The following RAB3GAP2 variants were observed in gnomAD, a reference collection of about 807,000 sequenced individuals.
RAB3GAP2 encodes the protein RAB3 GTPase activating non-catalytic protein subunit 2, also known as rab3 GTPase-activating protein non-catalytic subunit.
Under a neutral mutation model 185.3 loss-of-function variants are expected in RAB3GAP2, and 87 were observed. The observed-to-expected ratio is 0.47, with a 90% confidence interval of 0.39 to 0.56. The LOEUF (loss-of-function observed/expected upper bound fraction) is 0.56. Ranked by LOEUF, RAB3GAP2 falls within the 20% of genes least tolerant of loss-of-function variation. RAB3GAP2 has a pLI of 0.00. For synonymous variants in RAB3GAP2, 554 were observed against 576.1 expected (o/e 0.96, Z 0.55); for missense variants, 1,492 against 1,638.2 (o/e 0.91, Z 1.54).
At chr1:220,267,643 G>A in intron 1 of RAB3GAP2, 1 of 1,459,156 alleles carries the variant, frequency 6.9e-7, no homozygotes, top group Non-Finnish European at 9.6e-7. Context: ...GTGTTATTCA[G>A]TGGCCTGGAG....
chr1:220,261,274 A>G (rs549826831), intron 1 of RAB3GAP2, among the ~76,000 whole-genome samples: 1 of 152,300 alleles, frequency 6.6e-6, no homozygotes, highest in South Asian at 2.1e-4. Flanking sequence ...ATTCTTCTCT[A>G]TGAGGAAGGT....
chr1:220,182,467 G>A, intron 20 of RAB3GAP2, 113 bp from the exon 21 acceptor site: 1 of 1,503,600 alleles, frequency 6.7e-7, no homozygotes, highest in Admixed American at 2.2e-5. Flanking sequence ...TGAAGGAAGA[G>A]AAATTAATTG....
chr1:220,189,519 T>A (rs1238828581), intron 17 of RAB3GAP2, among the ~76,000 whole-genome samples, 184 bp downstream of exon 17: 5 of 150,964 alleles, frequency 3.3e-5, no homozygotes, highest in African/African-American at 9.7e-5. Context: ...ATATTAATTT[T>A]TTTTTTTTTT....
At chr1:220,181,739 G>A (rs866855395) in intron 21 of RAB3GAP2, among the ~76,000 whole-genome samples, 9 of 152,034 alleles carry the variant, frequency 5.9e-5, no homozygotes, top group Admixed American at 1.3e-4. Flanking sequence ...CCAACTATAC[G>A]ATATGCTTGT....
At position 220,251,302 on chromosome 1, in the gene RAB3GAP2, T is replaced by A. The variant is rs918705319; in HGVS notation, c.116-18439A>T. On this transcript the variant is annotated intron_variant, in intron 1 of 34. Transcript: ENST00000358951. ...TTAGATTAAAATCTAGTAGAATGTTTTACAAGCTTAAGATTGGAAAGATCT... is the reference window on the plus strand; with the variant it reads ...TTAGATTAAAATCTAGTAGAATGTTATACAAGCTTAAGATTGGAAAGATCT... 3.6e-4 allele frequency among the ~76,000 whole-genome samples: 55 copies of A among 152,182 alleles called. 1 individual carries two copies. Among genetic ancestry groups the A allele is most frequent in the Admixed American group, 7.2e-4 (11 of 15,280 alleles).
intron 28 of RAB3GAP2, among the ~76,000 whole-genome samples, chr1:220,161,552 T>G (rs1258627463): frequency 2.6e-5 from 4 of 152,188 alleles, no homozygotes; most frequent in African/African-American, 9.7e-5. Flanking sequence ...AAGCTACTCA[T>G]GCTGGTTGTA....
intron 1 of RAB3GAP2, among the ~76,000 whole-genome samples, chr1:220,236,731 C>G (rs1487545282): frequency 6.6e-6 from 1 of 151,486 alleles, no homozygotes; most frequent in East Asian, 1.9e-4. Context: ...AATAAAATTG[C>G]CATTCATGTA....
intron 27 of RAB3GAP2, among the ~76,000 whole-genome samples, chr1:220,164,012 C>T (rs1171031367): frequency 6.6e-6 from 1 of 151,888 alleles, no homozygotes; most frequent in Non-Finnish European, 1.5e-5. Flanking sequence ...GTGCTGATAT[C>T]CTCAATTCCT....
chr1:220,255,267 C>T (rs577250612), intron 1 of RAB3GAP2, among the ~76,000 whole-genome samples: 65 of 151,448 alleles, frequency 4.3e-4, no homozygotes, highest in South Asian at 3.3e-3. Flanking sequence ...CCCACAAAAA[C>T]CTCATTCAGA....
chr1:220,157,230 G>T, intron 31 of RAB3GAP2, 40 bp downstream of exon 31: 1 of 1,540,612 alleles, frequency 6.5e-7, no homozygotes, highest in Non-Finnish European at 9.0e-7. Flanking sequence ...TGCTAAGCCT[G>T]CAACTCCAAA....
chr1:220,155,703 C>A (rs1571873193), intron 31 of RAB3GAP2, among the ~76,000 whole-genome samples: 1 of 152,102 alleles, frequency 6.6e-6, no homozygotes, highest in East Asian at 1.9e-4. Context: ...TTTTCACTAG[C>A]CACTCAACCA....
At chr1:220,209,355 G>A (rs546307152) in intron 7 of RAB3GAP2, among the ~76,000 whole-genome samples, 6 of 151,862 alleles carry the variant, frequency 4.0e-5, no homozygotes, top group Admixed American at 6.5e-5. Context: ...TTCTACATTC[G>A]AATCTTCTCT....
At position 220,157,353 on chromosome 1, in the gene RAB3GAP2, G is replaced by A; in HGVS notation, c.3472C>T (p.His1158Tyr). ...TACAAGATGGAGCACAGGATGGAGTGGTGCTCCACCAGTGGGTAGTGGATG... is the reference window on the plus strand; with the variant it reads ...TACAAGATGGAGCACAGGATGGAGTAGTGCTCCACCAGTGGGTAGTGGATG... ...KHIHYPLVEH[H>Y]SILCSILYAV... The change falls in exon 31 of 35, where the codon CAC becomes TAC. Residue 1158 changes from histidine to tyrosine, a missense_variant. Physicochemically the swap from His to Tyr is moderately conservative, Grantham distance 83 (BLOSUM62 2). Transcript: ENST00000358951. The A allele has an allele frequency of 6.2e-7, 1 of 1,613,718 alleles. No individual in the cohort carries two copies. Among genetic ancestry groups the A allele is most frequent in the Non-Finnish European group, 8.5e-7 (1 of 1,179,828 alleles).
chr1:220,219,694 T>C (rs1371921351), intron 2 of RAB3GAP2: 1 of 152,212 alleles, frequency 6.6e-6, no homozygotes, highest in African/African-American at 2.4e-5. Context: ...GTGCCAGATT[T>C]TTCAGGGAAG....
At chr1:220,204,385 C>G (rs961921487) in intron 8 of RAB3GAP2, among the ~76,000 whole-genome samples, 1 of 152,082 alleles carries the variant, frequency 6.6e-6, no homozygotes, top group Admixed American at 6.5e-5. Context: ...AAATACTCAT[C>G]ATTAATCTAT....
chr1:220,211,203 G>A (rs1659079268), intron 4 of RAB3GAP2: 1 of 684,664 alleles, frequency 1.5e-6, no homozygotes, highest in East Asian at 2.7e-5. Flanking sequence ...AATGCCACAT[G>A]CATTTGAGGT....
At chr1:220,215,545 G>A (rs1571905539) in intron 2 of RAB3GAP2, among the ~76,000 whole-genome samples, 1 of 152,046 alleles carries the variant, frequency 6.6e-6, no homozygotes, top group East Asian at 1.9e-4. Flanking sequence ...TCTATGAATA[G>A]TTTGTTCCCT....
In RAB3GAP2 at chr1:220,182,279, C is replaced by G; in HGVS notation, c.2288G>C (p.Gly763Ala). 6.2e-7 allele frequency: 1 copy of G among 1,613,984 alleles called. No individual in the cohort carries two copies. The highest frequency in any genetic ancestry group is 8.5e-7 in the Non-Finnish European group (1 of 1,179,962). The stretch of plus-strand genomic sequence containing the variant: ...TACCAACAACAGCTGAGGGCTAAGA[C>G]CAGCCGACTCCAAAGTGTGACACAT... The part of the protein sequence containing the change: ...EDMCHTLESA[G>A]LSPQLLLSLL... The change falls in exon 21 of 35, where the codon GGT becomes GCT. Residue 763 changes from glycine (G) to alanine (A), a missense_variant. Gly to Ala is a moderately conservative substitution (Grantham distance 60). This residue lies in a region of RAB3GAP2 where 681 missense variants were observed against 689.1 expected (regional missense o/e 0.99). Transcript: ENST00000358951.
rs1657745409 is a variant in RAB3GAP2, at chr1:220,151,177, TCTTA to T, written c.*70_*73del. The T allele has an allele frequency of 1.4e-6, 2 of 1,447,512 alleles. No individual in the cohort carries two copies. Among genetic ancestry groups the T allele is most frequent in the African/African-American group, 1.4e-5 (1 of 70,956 alleles). The allele number at this position is 1,447,512 out of a possible 1,614,324, so 89.7% of individuals were successfully genotyped here. The stretch of plus-strand genomic sequence containing the variant: ...CATACTTTTCCCATAAAATTCCAGG[TCTTA>T]CTATGTAAAATAACCATGCACTACT... On this transcript the variant is annotated 3_prime_UTR_variant, in exon 35 of 35. Transcript: ENST00000358951.
Sources: gnomAD v4.1 joint callset for allele counts (sites outside exome capture counted in the v4.1 genomes callset) on GRCh38, gnomAD v4.1.1 for gene constraint, gnomAD v4.1.1 regional missense constraint, MANE v1.5 for transcripts, NCBI Gene and HGNC (gene_info 2026-07-23, HGNC 2026-07-21) for gene names.